Variants in MAP7D1 observed in about 807,000 individuals in gnomAD.
MAP7D1 encodes the protein MAP7 domain containing 1.
MAP7D1 carries 30 observed loss-of-function variants against 97.5 expected under a neutral mutation model. The observed-to-expected ratio is 0.31, with a 90% CI of 0.23 to 0.42. The LOEUF is 0.42. Ranked by LOEUF, MAP7D1 falls within the 10% of genes least tolerant of loss-of-function variation. The pLI is 1.00. For missense variants in MAP7D1, 1,184 were observed against 1,179.5 expected (o/e 1.00, Z -0.06); for synonymous variants, 536 against 477.1 (o/e 1.12, Z -1.61).
rs34482844 is a variant in MAP7D1 at position 36,159,035 on chromosome 1, G to GTTATTTAT, written c.46+2603_46+2610dup. Among the ~76,000 whole-genome samples the GTTATTTAT allele has an allele frequency of 0.082, 11,948 of 145,904 alleles. 540 individuals are homozygous for GTTATTTAT. Among genetic ancestry groups the GTTATTTAT allele is most frequent in the East Asian group, 0.15 (750 of 4,994 alleles). On this transcript the variant is annotated intron_variant, in intron 1 of 16. Coordinates refer to ENST00000474796, the MANE Select transcript of MAP7D1 (RefSeq NM_001388490.1). This position sits in a 1 kb window ranked among gnomAD's most constrained non-coding sequence, Gnocchi z 5.4. Reference sequence around the variant, plus strand: ...AGTGCCCAATAAGTGCTAGCCATTTGTTATTTATTTATTTATTTATTTATT... The same window carrying GTTATTTAT: ...AGTGCCCAATAAGTGCTAGCCATTTGTTATTTATTTATTTATTTATTTATTTATTTATT...
Position 36,171,222 on chromosome 1 carries a change from G to A in MAP7D1, c.298G>A (p.Ala100Thr), listed in dbSNP as rs557217150. ...AAAGAGCAGAGGACCCACCCCACCA[G>A]CCATGGGCCCACGGGATGCCAGACC... ...EAKSRGPTPP[A>T]MGPRDARPPR... The change falls in exon 2 of 17, where the codon GCC (alanine) becomes ACC (threonine). Residue 100 changes from alanine to threonine, a missense_variant. By Grantham distance (58) the Ala-to-Thr change is moderately conservative (BLOSUM62 0). Transcript: ENST00000474796. The A allele has an allele frequency of 8.1e-6, 13 of 1,612,000 alleles. No homozygotes were observed. In the African/African-American group the frequency reaches 1.7e-4, roughly 22 times the overall value.
chr1:36,180,383 C>G lies in MAP7D1; in HGVS notation c.*125C>G. 1 of 1,363,788 alleles carries G rather than the reference C, an allele frequency of 7.3e-7. No individual in the cohort carries two copies. Among genetic ancestry groups the G allele is most frequent in the Non-Finnish European group, 1.0e-6 (1 of 954,934 alleles). The allele number at this position is 1,363,788 out of a possible 1,614,324, so 84.5% of individuals were successfully genotyped here. A position where few individuals can be genotyped will look rare whatever the true frequency, so the allele number is the denominator to read the frequency against. ...CTGGGCCCCTGGGGGTGGGTCCTCT[C>G]TGTTGTTTTTAATCTGCACCTTATA... On this transcript the variant is annotated 3_prime_UTR_variant, in exon 17 of 17. Coordinates refer to ENST00000474796, the MANE Select transcript of MAP7D1 (RefSeq NM_001388490.1).
chr1:36,170,011 C>A (rs1427087155), intron 1 of MAP7D1, among the ~76,000 whole-genome samples: 3 of 152,014 alleles, frequency 2.0e-5, no homozygotes, highest in Non-Finnish European at 4.4e-5. Context: ...CTAACTAGAC[C>A]CTTGAAAAAT....
Position 36,172,535 on chromosome 1 carries a change from C to T in MAP7D1, c.532C>T (p.Arg178Cys), listed in dbSNP as rs574850348. The T allele has an allele frequency of 1.4e-5, 22 of 1,602,026 alleles. No homozygotes were observed. The Admixed American group carries it at 1.7e-4, about 12-fold the overall frequency. The change falls in exon 4 of 17, where the codon CGC becomes TGC. Residue 178 changes from arginine (R) to cysteine (C), a missense_variant. Physicochemically the swap from Arg to Cys is radical, Grantham distance 180 (BLOSUM62 -3). Coordinates refer to ENST00000474796, the MANE Select transcript of MAP7D1 (RefSeq NM_001388490.1). ...GCTGCGGGAGAAGCAGCTCCAGGAG[C>T]GCCGGCGCCGGCTGGAGGAGCAACG... The part of the protein sequence containing the change: ...KALREKQLQE[R>C]RRRLEEQRLK...
At chr1:36,174,805 C>G in intron 5 of MAP7D1, 93 bp from the exon 6 acceptor site, 1 of 680,098 alleles carries the variant, frequency 1.5e-6, no homozygotes, top group South Asian at 1.6e-5. Flanking sequence ...CCTCTCCCAC[C>G]CCGCCCTCGG....
intron 2 of MAP7D1, 66 bp from the exon 3 acceptor site, chr1:36,171,447 G>T: frequency 6.3e-7 from 1 of 1,588,082 alleles, no homozygotes; most frequent in South Asian, 1.1e-5. Flanking sequence ...CGGAGGGAGG[G>T]ATCTGAGGCT....
chr1:36,166,708 C>G (rs1644479218), intron 1 of MAP7D1, among the ~76,000 whole-genome samples: 1 of 152,136 alleles, frequency 6.6e-6, no homozygotes, highest in East Asian at 1.9e-4. Flanking sequence ...TATTTTTAAA[C>G]AGAATCACTC....
At chr1:36,160,500 C>T (rs1194572539) in intron 1 of MAP7D1, among the ~76,000 whole-genome samples, 4 of 152,226 alleles carry the variant, frequency 2.6e-5, no homozygotes, top group Non-Finnish European at 2.9e-5. Flanking sequence ...CAGCATGTCA[C>T]GGGCATTGTC....
In MAP7D1 at chr1:36,178,146, C is replaced by A; in HGVS notation, c.1653C>A (p.Pro551=). The A allele has an allele frequency of 6.3e-7, 1 of 1,580,222 alleles. No individual in the cohort carries two copies. ...CCTCACCGGCACCTTCGCCGGCGCC[C>A]TCGCCCACCCCAGCCCCGCCCCAGA... is the stretch of plus-strand genomic sequence containing the variant. ...APASPAPSPA[P]SPTPAPPQKE... is the part of the protein sequence containing the mutation. The change falls in exon 9 of 17, where the codon CCC becomes CCA. Residue 551 remains proline (P), a synonymous_variant. Transcript: ENST00000474796.
intron 1 of MAP7D1, among the ~76,000 whole-genome samples, 178 bp from the exon 2 acceptor site, chr1:36,170,793 G>C (rs1431580373): frequency 1.3e-5 from 2 of 152,188 alleles, no homozygotes; most frequent in Non-Finnish European, 2.9e-5. Context: ...CAGAGGCAGG[G>C]ATCATGGCTA....
chr1:36,175,573 C>T (rs1644606783), intron 6 of MAP7D1, among the ~76,000 whole-genome samples: 1 of 152,230 alleles, frequency 6.6e-6, no homozygotes, highest in South Asian at 2.1e-4. Context: ...GTGAAGGAGC[C>T]ATGGTGGGAG....
intron 9 of MAP7D1, 99 bp downstream of exon 9, chr1:36,178,300 G>A (rs1644660416): frequency 6.8e-7 from 1 of 1,472,116 alleles, no homozygotes; most frequent in Non-Finnish European, 9.1e-7. Context: ...ACTGGGAGTG[G>A]GACATGGAAA....
Position 36,178,712 on chromosome 1 carries a change from G to A in MAP7D1, c.1914G>A (p.Arg638=), listed in dbSNP as rs1644667958. Residue 638 remains arginine (R), a synonymous_variant, in exon 11 of 17, where the codon CGG becomes CGA. Coordinates refer to ENST00000474796, the MANE Select transcript of MAP7D1 (RefSeq NM_001388490.1). The part of the protein sequence containing the change: ...DKRMREEQLA[R]EAEARAEREA... ...GAATGCGAGAGGAGCAGCTGGCACG[G>A]GAGGCCGAGGCCCGGGCGGAGCGGG... 6.5e-7 allele frequency: 1 copy of A among 1,535,770 alleles called. No individual in the cohort carries two copies. The highest frequency in any genetic ancestry group is 1.4e-5 in the African/African-American group (1 of 72,570).
chr1:36,172,285 G>T (rs1644555811), intron 3 of MAP7D1, 179 bp from the exon 4 acceptor site: 2 of 542,264 alleles, frequency 3.7e-6, no homozygotes, highest in Admixed American at 6.9e-5. Flanking sequence ...CCTGAGTCCT[G>T]TCTTCAGTAA....
At position 36,179,043 on chromosome 1, in the gene MAP7D1, G is replaced by A; in HGVS notation, c.2130+18G>A. ...GCAGAAAGGTGTGCGGACCTGGGCG[G>A]GGATTTGTGGGCGGGGCCTGGGCAG... On this transcript the variant is annotated intron_variant, in intron 12 of 16. Coordinates refer to ENST00000474796, the MANE Select transcript of MAP7D1 (RefSeq NM_001388490.1). 1 of 1,549,322 alleles carries A rather than the reference G, an allele frequency of 6.5e-7. No homozygotes were observed.
At chr1:36,162,076 A>G (rs1437179321) in intron 1 of MAP7D1, among the ~76,000 whole-genome samples, 1 of 151,996 alleles carries the variant, frequency 6.6e-6, no homozygotes, top group Non-Finnish European at 1.5e-5. Context: ...ATCTGCAGTG[A>G]GGGCCAGGAG....
chr1:36,178,421 G>T lies in MAP7D1; in HGVS notation c.1711G>T (p.Ala571Ser), dbSNP rs750759780. 1 of 1,608,888 alleles carries T rather than the reference G, an allele frequency of 6.2e-7. No homozygotes were observed. The highest frequency in any genetic ancestry group is 1.3e-5 in the African/African-American group (1 of 74,910). The change falls in exon 10 of 17, where the codon GCT becomes TCT. Residue 571 changes from alanine to serine, a missense_variant and splice_region_variant. Physicochemically the swap from Ala to Ser is moderately conservative, Grantham distance 99. Coordinates refer to ENST00000474796, the MANE Select transcript of MAP7D1 (RefSeq NM_001388490.1). ...EQPPAETPTD[A>S]AVLTSPPAPA... ...CCTGATCCCGGATCCCCCTCCAGACGCTGCTGTCTTGACCTCACCCCCAGC... is the reference window on the plus strand; with the variant it reads ...CCTGATCCCGGATCCCCCTCCAGACTCTGCTGTCTTGACCTCACCCCCAGC...
In MAP7D1 at chr1:36,170,339, T is replaced by A. The variant is rs530451728; in HGVS notation, c.47-632T>A. ...TGGACGTAGCTTGTTGCCAATGGAA[T>A]CTTCACAGCAAAGCATTCCACTAGA... is the stretch of plus-strand genomic sequence containing the variant. On this transcript the variant is annotated intron_variant, in intron 1 of 16. Coordinates refer to ENST00000474796, the MANE Select transcript of MAP7D1 (RefSeq NM_001388490.1). Among the ~76,000 whole-genome samples, 7 of 152,358 alleles carry A rather than the reference T, an allele frequency of 4.6e-5. No individual in the cohort carries two copies. The East Asian group carries it at 1.3e-3, about 29-fold the overall frequency.
Position 36,156,467 on chromosome 1 carries a change from T to A in MAP7D1, c.46+4T>A, listed in dbSNP as rs1330195131. 1.4e-6 allele frequency: 2 copies of A among 1,458,054 alleles called. No homozygotes were observed. The highest frequency in any genetic ancestry group is 1.8e-6 in the Non-Finnish European group (2 of 1,112,542). 90.3% of individuals were successfully genotyped at this position (1,458,054 alleles called of 1,614,324 possible). The stretch of plus-strand genomic sequence containing the variant: ...CTGGGGGCGGGCGCACCCCCAGGTA[T>A]GCCGGGAGCCACGCGGAGGCGAGAT... On this transcript the variant is annotated splice_donor_region_variant and intron_variant, in intron 1 of 16. Coordinates refer to ENST00000474796, the MANE Select transcript of MAP7D1 (RefSeq NM_001388490.1).
Sources: gnomAD v4.1 joint callset for allele counts (sites outside exome capture counted in the v4.1 genomes callset) on GRCh38, gnomAD v4.1.1 for gene constraint, Gnocchi (gnomAD v3.1) non-coding constraint, MANE v1.5 for transcripts, NCBI Gene and HGNC (gene_info 2026-07-23, HGNC 2026-07-21) for gene names.